The following ANO2 variants were observed in gnomAD, a reference collection of about 807,000 sequenced individuals.
ANO2 encodes the protein anoctamin-2.
A neutral mutation model predicts 124.2 loss-of-function variants in ANO2; 101 were observed. The ratio of observed to expected loss-of-function variants is 0.81; its 90% CI spans 0.69 to 0.96. The LOEUF (loss-of-function observed/expected upper bound fraction) is 0.96, where lower values mean the gene tolerates loss of function less well. ANO2 is among the 40% of genes least tolerant of loss of function. The pLI, the probability that ANO2 is intolerant of heterozygous loss-of-function variation, is 0.00. For missense variants in ANO2, 1,293 were observed against 1,274.5 expected (o/e 1.01, Z -0.22); for synonymous variants, 486 against 482.5 (o/e 1.01, Z -0.09).
At chr12:5,659,055 G>A (rs1177436822) in intron 14 of ANO2, among the ~76,000 whole-genome samples, 5 of 152,054 alleles carry the variant, frequency 3.3e-5, no homozygotes. Flanking sequence ...CAACTGCCTT[G>A]TGTGAACTCA....
chr12:5,676,789 C>T (rs1189221340), intron 14 of ANO2, among the ~76,000 whole-genome samples: 1 of 152,178 alleles, frequency 6.6e-6, no homozygotes, highest in African/African-American at 2.4e-5. Flanking sequence ...CCCGGTGGCT[C>T]ATTCCTATAA....
At chr12:5,621,531 G>A (rs1945118668) in intron 16 of ANO2, among the ~76,000 whole-genome samples, 1 of 152,210 alleles carries the variant, frequency 6.6e-6, no homozygotes, top group African/African-American at 2.4e-5. Flanking sequence ...CCAGTGCGAT[G>A]GGAGGGGAAG....
At chr12:5,923,108 A>G (rs1205524214) in intron 1 of ANO2, among the ~76,000 whole-genome samples, 1 of 71,254 alleles carries the variant, frequency 1.4e-5, no homozygotes, top group African/African-American at 3.7e-5. Flanking sequence ...ACACATACAC[A>G]CACATGCACG....
intron 14 of ANO2, among the ~76,000 whole-genome samples, chr12:5,697,914 C>T (rs1949252397): frequency 6.6e-6 from 1 of 152,178 alleles, no homozygotes; most frequent in South Asian, 2.1e-4. Flanking sequence ...GGGGAGGGGC[C>T]CCCACCATTG....
intron 19 of ANO2, among the ~76,000 whole-genome samples, chr12:5,600,151 T>A (rs573603883): frequency 6.6e-6 from 1 of 152,356 alleles, no homozygotes; most frequent in East Asian, 1.9e-4. Context: ...CCAATGTGAC[T>A]GTATTGGGAG....
At chr12:5,718,735 C>A (rs961620432) in intron 14 of ANO2, among the ~76,000 whole-genome samples, 1 of 152,214 alleles carries the variant, frequency 6.6e-6, no homozygotes, top group Non-Finnish European at 1.5e-5. Context: ...GGTACTGGTG[C>A]CAGATTGGCA....
intron 12 of ANO2, among the ~76,000 whole-genome samples, chr12:5,743,935 T>A (rs937355470): frequency 6.6e-6 from 1 of 152,224 alleles, no homozygotes; most frequent in Non-Finnish European, 1.5e-5. Flanking sequence ...ATGGTTAGCA[T>A]GACTACATCT....
At chr12:5,620,812 T>A (rs1945080932) in intron 16 of ANO2, among the ~76,000 whole-genome samples, 1 of 152,080 alleles carries the variant, frequency 6.6e-6, no homozygotes, top group Non-Finnish European at 1.5e-5. Flanking sequence ...ATCATCTGGA[T>A]AATGATCTGT....
At chr12:5,833,014 C>G (rs774204197) in intron 4 of ANO2, among the ~76,000 whole-genome samples, 1 of 152,142 alleles carries the variant, frequency 6.6e-6, no homozygotes. Flanking sequence ...AGAGGTGAGG[C>G]GAATTAACAA....
chr12:5,830,250 T>C (rs1465664407), intron 6 of ANO2, among the ~76,000 whole-genome samples, 185 bp downstream of exon 6: 1 of 151,868 alleles, frequency 6.6e-6, no homozygotes, highest in African/African-American at 2.4e-5. Context: ...AAACCACGAG[T>C]GAGGGCAGTT....
intron 7 of ANO2, among the ~76,000 whole-genome samples, chr12:5,817,337 G>A (rs1167475824): frequency 6.6e-6 from 1 of 152,216 alleles, no homozygotes; most frequent in African/African-American, 2.4e-5. Context: ...ACCAGAAACT[G>A]CTGTGGGACT....
chr12:5,587,532 G>A (rs1943177793), intron 20 of ANO2, among the ~76,000 whole-genome samples: 1 of 152,210 alleles, frequency 6.6e-6, no homozygotes, highest in African/African-American at 2.4e-5. Context: ...GGGGCCTGCG[G>A]CAATGGAGCT....
In ANO2 at chr12:5,632,390, C is replaced by T. The variant is rs141425521; in HGVS notation, c.1816+2762G>A. Among the ~76,000 whole-genome samples, 9 of 151,896 alleles carry T rather than the reference C, an allele frequency of 5.9e-5. No homozygotes were observed. In the East Asian group the frequency reaches 1.5e-3, roughly 26 times the overall value. ...AAGTGAGCGTATAACACTGCCCTTG[C>T]TGGCCATGCAGTTTTTGTGAAGATG... On this transcript the variant is annotated intron_variant, in intron 16 of 24. Coordinates refer to ENST00000682330, the MANE Select transcript of ANO2 (RefSeq NM_001364791.2).
At position 5,699,766 on chromosome 12, in the gene ANO2, C is replaced by G. The variant is rs953354204; in HGVS notation, c.1545+32754G>C. Among the ~76,000 whole-genome samples, 19 of 151,472 alleles carry G rather than the reference C, an allele frequency of 1.3e-4. 1 individual carries two copies. The highest frequency in any genetic ancestry group is 5.9e-5 in the Non-Finnish European group (4 of 67,864). On this transcript the variant is annotated intron_variant, in intron 14 of 24. Coordinates refer to ENST00000682330, the MANE Select transcript of ANO2 (RefSeq NM_001364791.2). Reference sequence around the variant, plus strand: ...GAAGATCTACCAAGCAAATGGAAAACAAAAAAAGGCAGGGGTTGCAATCCT... The same window carrying G: ...GAAGATCTACCAAGCAAATGGAAAAGAAAAAAAGGCAGGGGTTGCAATCCT...
intron 22 of ANO2, among the ~76,000 whole-genome samples, chr12:5,577,103 G>A (rs962052213): frequency 1.3e-5 from 2 of 152,200 alleles, no homozygotes; most frequent in Admixed American, 6.5e-5. Flanking sequence ...TCAAAGTAGC[G>A]GACTGATCTG....
chr12:5,883,973 C>T (rs1938701933), intron 3 of ANO2, among the ~76,000 whole-genome samples: 1 of 152,124 alleles, frequency 6.6e-6, no homozygotes. Flanking sequence ...TATTAAAATT[C>T]CTGTTTTACA....
At chr12:5,749,293 G>A (rs144374477) in intron 11 of ANO2, among the ~76,000 whole-genome samples, 1 of 152,294 alleles carries the variant, frequency 6.6e-6, no homozygotes, top group East Asian at 1.9e-4. Context: ...CCTATGGAGG[G>A]AACATCAAGT....
At chr12:5,711,998 G>T (rs920379983) in intron 14 of ANO2, among the ~76,000 whole-genome samples, 1 of 152,094 alleles carries the variant, frequency 6.6e-6, no homozygotes, top group Non-Finnish European at 1.5e-5. Context: ...ACCTACTAAC[G>T]GCCCTTAGGT....
chr12:5,747,170 C>G (rs1951291694), intron 11 of ANO2, among the ~76,000 whole-genome samples: 2 of 152,132 alleles, frequency 1.3e-5, no homozygotes, highest in South Asian at 4.1e-4. Flanking sequence ...TTGCAAGTTC[C>G]TGCGCTGTGA....
Sources: allele counts gnomAD v4.1 joint callset (sites outside exome capture counted in the v4.1 genomes callset), GRCh38; gene constraint gnomAD v4.1.1; transcripts MANE v1.5; gene names NCBI Gene and HGNC (gene_info 2026-07-23, HGNC 2026-07-21).